EVA1C: variants seen among roughly 807,000 people sequenced by gnomAD.
The protein encoded by EVA1C is eva-1 homolog C.
EVA1C carries 25 observed loss-of-function variants against 45.4 expected under a neutral mutation model. That is an observed-to-expected ratio of 0.55 (90% CI 0.40 to 0.77). EVA1C has a LOEUF of 0.77. Among genes scored for constraint, EVA1C ranks in the 30% least tolerant of loss-of-function variants. The pLI is 0.00. For missense variants in EVA1C, 479 were observed against 554.8 expected, an observed-to-expected ratio of 0.86 and a Z score of 1.37; for synonymous variants, 190 against 221.2, an observed-to-expected ratio of 0.86 and a Z score of 1.25.
At position 32,501,488 on chromosome 21, in the gene EVA1C, T is replaced by A; in HGVS notation, c.852T>A (p.Gly284=). The change falls in exon 6 of 8, where the codon GGT becomes GGA. Residue 284 remains glycine, a synonymous_variant. Coordinates refer to ENST00000300255, the MANE Select transcript of EVA1C (RefSeq NM_058187.5). ...NLKPSLKQKD[G]EYGINFDPSG... ...AACCTTCTTTGAAGCAGAAAGATGGTGAATATGGTAATTTTTATGGCTTAC... is the reference window on the plus strand; with the variant it reads ...AACCTTCTTTGAAGCAGAAAGATGGAGAATATGGTAATTTTTATGGCTTAC... 5 of 1,594,704 alleles carry A rather than the reference T, an allele frequency of 3.1e-6. No individual in the cohort carries two copies. Among genetic ancestry groups the A allele is most frequent in the Non-Finnish European group, 4.2e-6 (5 of 1,177,972 alleles).
chr21:32,480,220 G>A (rs2036726889), intron 4 of EVA1C, among the ~76,000 whole-genome samples: 1 of 149,284 alleles, frequency 6.7e-6, no homozygotes, highest in Non-Finnish European at 1.5e-5. Flanking sequence ...AGGATCACTT[G>A]AGCCCAGGAG....
intron 1 of EVA1C, among the ~76,000 whole-genome samples, chr21:32,448,769 C>T (rs769701376): frequency 1.5e-4 from 23 of 151,704 alleles, no homozygotes; most frequent in Non-Finnish European, 2.1e-4. Flanking sequence ...ATTAGCCAGG[C>T]GTGGTGGTGC....
intron 7 of EVA1C, among the ~76,000 whole-genome samples, chr21:32,504,325 A>G (rs1407117648): frequency 1.3e-5 from 2 of 152,244 alleles, no homozygotes; most frequent in African/African-American, 4.8e-5. Flanking sequence ...AAATTCGGGA[A>G]GGAACTAGGA....
chr21:32,447,919 G>C (rs1241316612), intron 1 of EVA1C, among the ~76,000 whole-genome samples: 1 of 152,084 alleles, frequency 6.6e-6, no homozygotes, highest in Non-Finnish European at 1.5e-5. Context: ...TAGTCAGGCT[G>C]GTTTTGAATT....
At chr21:32,441,015 T>A (rs1376351447) in intron 1 of EVA1C, among the ~76,000 whole-genome samples, 1 of 152,286 alleles carries the variant, frequency 6.6e-6, no homozygotes, top group Non-Finnish European at 1.5e-5. Context: ...GGCAAGAGAA[T>A]CGCTTGAGTC....
intron 3 of EVA1C, among the ~76,000 whole-genome samples, chr21:32,458,197 C>T (rs778401772): frequency 2.3e-4 from 35 of 152,206 alleles, no homozygotes; most frequent in Admixed American, 1.6e-3. Flanking sequence ...CCCTCACCCA[C>T]GGCAGGGGCT....
chr21:32,490,085 TGA>T (rs371427643), intron 4 of EVA1C, among the ~76,000 whole-genome samples: 8 of 152,308 alleles, frequency 5.3e-5, no homozygotes, highest in African/African-American at 1.9e-4. Flanking sequence ...ATTACAGACA[TGA>T]GCCACCATGC....
At chr21:32,459,172 C>T (rs564214555) in intron 3 of EVA1C, among the ~76,000 whole-genome samples, 2 of 152,252 alleles carry the variant, frequency 1.3e-5, no homozygotes, top group East Asian at 3.9e-4. Context: ...CCTTATACCC[C>T]ATTATACACA....
intron 2 of EVA1C, among the ~76,000 whole-genome samples, chr21:32,453,805 A>G (rs1326977428): frequency 1.3e-5 from 2 of 152,254 alleles, no homozygotes; most frequent in African/African-American, 4.8e-5. Flanking sequence ...AAGTACAACC[A>G]GGATGGATTC....
At chr21:32,453,061 G>A (rs2035642130) in intron 1 of EVA1C, 4 of 422,854 alleles carry the variant, frequency 9.5e-6, no homozygotes, top group Non-Finnish European at 8.5e-6. Flanking sequence ...CCTCGCCAGG[G>A]ACCCCACCCT....
chr21:32,495,932 C>T (rs1018777318), intron 5 of EVA1C, among the ~76,000 whole-genome samples: 9 of 152,168 alleles, frequency 5.9e-5, no homozygotes, highest in South Asian at 2.1e-4. Flanking sequence ...TCTTGGAAAT[C>T]GCTTTTTCCC....
chr21:32,503,710 T>C (rs2037632151), intron 6 of EVA1C, among the ~76,000 whole-genome samples: 2 of 152,298 alleles, frequency 1.3e-5, no homozygotes, highest in African/African-American at 4.8e-5. Context: ...CAATTTCTAA[T>C]CCTTTTTGTA....
At chr21:32,512,548 C>A (rs545561043) in intron 7 of EVA1C, among the ~76,000 whole-genome samples, 2 of 152,238 alleles carry the variant, frequency 1.3e-5, no homozygotes, top group South Asian at 4.1e-4. Context: ...CCCGGCCCCT[C>A]CCACGACACC....
At chr21:32,421,318 G>A (rs941913720) in intron 1 of EVA1C, among the ~76,000 whole-genome samples, 1 of 150,928 alleles carries the variant, frequency 6.6e-6, no homozygotes, top group Non-Finnish European at 1.5e-5. Flanking sequence ...TGTATAGTGA[G>A]GAATTAGAAT....
chr21:32,434,738 G>A (rs1433363697), intron 1 of EVA1C, among the ~76,000 whole-genome samples: 1 of 152,264 alleles, frequency 6.6e-6, no homozygotes, highest in Non-Finnish European at 1.5e-5. Context: ...CACAAGCTAA[G>A]GAGCTGGAGG....
At chr21:32,512,132 T>C (rs938214008) in intron 7 of EVA1C, among the ~76,000 whole-genome samples, 1 of 151,948 alleles carries the variant, frequency 6.6e-6, no homozygotes, top group Non-Finnish European at 1.5e-5. Flanking sequence ...GGAATTCAGG[T>C]GGTAGTCACC....
chr21:32,455,223 G>C (rs990402768), intron 2 of EVA1C, among the ~76,000 whole-genome samples: 2 of 152,068 alleles, frequency 1.3e-5, no homozygotes, highest in African/African-American at 4.8e-5. Context: ...TGTGGCAGAA[G>C]AATGGAAGGG....
intron 4 of EVA1C, among the ~76,000 whole-genome samples, chr21:32,476,198 G>A (rs534794132): frequency 6.6e-6 from 1 of 152,004 alleles, no homozygotes; most frequent in African/African-American, 2.4e-5. Flanking sequence ...TCTTGGCAGA[G>A]TAGGGATAGT....
intron 6 of EVA1C, among the ~76,000 whole-genome samples, chr21:32,502,509 G>A (rs962133008): frequency 2.0e-5 from 3 of 152,066 alleles, no homozygotes; most frequent in Non-Finnish European, 2.9e-5. Flanking sequence ...AAACCCATGG[G>A]GTCCCTAATA....
Sources: gnomAD v4.1 joint callset for allele counts (sites outside exome capture counted in the v4.1 genomes callset) on GRCh38, gnomAD v4.1.1 for gene constraint, MANE v1.5 for transcripts, NCBI Gene and HGNC (gene_info 2026-07-23, HGNC 2026-07-21) for gene names.